The following SERGEF variants were observed in gnomAD, a reference collection of about 807,000 sequenced individuals.
SERGEF encodes secretion-regulating guanine nucleotide exchange factor.
In SERGEF, 51 loss-of-function variants were observed where a neutral mutation model predicts 50.0. The ratio of observed to expected loss-of-function variants is 1.02; its 90% confidence interval spans 0.81 to 1.29. SERGEF has a LOEUF of 1.29. SERGEF is among the 50% of genes most tolerant of loss of function. The pLI, the probability that SERGEF is intolerant of heterozygous loss-of-function variation, is 0.00. For synonymous variants in SERGEF, 205 were observed against 212.4 expected, an observed-to-expected ratio of 0.97 and a Z score of 0.30; for missense variants, 521 against 557.0, an observed-to-expected ratio of 0.94 and a Z score of 0.65.
intron 10 of SERGEF, among the ~76,000 whole-genome samples, chr11:17,789,071 G>A (rs752056947): frequency 3.9e-5 from 6 of 152,108 alleles, no homozygotes; most frequent in Non-Finnish European, 7.3e-5. Flanking sequence ...CAGAACCCTG[G>A]CTTGTTTTCT....
chr11:17,859,039 A>C (rs1215890067), intron 10 of SERGEF, among the ~76,000 whole-genome samples: 1 of 152,198 alleles, frequency 6.6e-6, no homozygotes, highest in African/African-American at 2.4e-5. Flanking sequence ...TGCAGGCCAT[A>C]GAGAGGCCAT....
intron 9 of SERGEF, among the ~76,000 whole-genome samples, chr11:17,905,419 G>A (rs1354504501): frequency 6.6e-6 from 1 of 152,232 alleles, no homozygotes; most frequent in Non-Finnish European, 1.5e-5. Context: ...CTGAGCCCTT[G>A]CTCTGAGGCA....
chr11:17,809,609 G>A (rs1022997856), intron 10 of SERGEF, among the ~76,000 whole-genome samples: 3 of 152,146 alleles, frequency 2.0e-5, no homozygotes, highest in African/African-American at 7.2e-5. Context: ...TGGAGGCAAA[G>A]TCTAAGAGGA....
chr11:17,864,840 A>T (rs923636850), intron 10 of SERGEF, among the ~76,000 whole-genome samples: 1 of 152,198 alleles, frequency 6.6e-6, no homozygotes, highest in Admixed American at 6.5e-5. Context: ...CAGCTCTGCT[A>T]CTGACCAGCT....
chr11:17,990,925 C>G (rs936028506), intron 7 of SERGEF, among the ~76,000 whole-genome samples: 2 of 152,032 alleles, frequency 1.3e-5, no homozygotes, highest in African/African-American at 4.8e-5. Flanking sequence ...TGCCACCACA[C>G]CCAGCTAATT....
rs377166311 is a variant in SERGEF, at chr11:18,012,958, A to C, written c.53T>G (p.Phe18Cys). 1.3e-5 allele frequency: 19 copies of C among 1,486,330 alleles called. No homozygotes were observed. Among genetic ancestry groups the C allele is most frequent in the Non-Finnish European group, 1.6e-5 (18 of 1,127,720 alleles). The allele number at this position is 1,486,330 out of a possible 1,614,324, so 92.1% of individuals were successfully genotyped here. Residue 18 changes from phenylalanine (F) to cysteine (C), a missense_variant, in exon 1 of 11, where the codon TTC becomes TGC. Transcript: ENST00000265965. ...GGGGGCGGAGTCACGTACCCAGGCG[A>C]AGAGCGCGGCCGCCGCGGGGGCGGC... Reference protein sequence around the residue: ...SEAAPAAAALFAWGANSYGQL... With the variant: ...SEAAPAAAALCAWGANSYGQL...
chr11:17,843,332 A>G (rs184396545), intron 10 of SERGEF, among the ~76,000 whole-genome samples: 1 of 152,290 alleles, frequency 6.6e-6, no homozygotes, highest in Admixed American at 6.5e-5. Flanking sequence ...AAGGAAGAAA[A>G]GAAGCTGAGA....
chr11:17,962,405 C>T (rs963471959), intron 8 of SERGEF, among the ~76,000 whole-genome samples: 3 of 152,068 alleles, frequency 2.0e-5, no homozygotes, highest in Non-Finnish European at 4.4e-5. Context: ...TGAATGTCTG[C>T]ATCAAGCTGA....
At chr11:17,845,928 C>T (rs1025389286) in intron 10 of SERGEF, among the ~76,000 whole-genome samples, 1 of 152,202 alleles carries the variant, frequency 6.6e-6, no homozygotes, top group African/African-American at 2.4e-5. Context: ...TTGTTCTCCA[C>T]TGCATTACTG....
chr11:17,950,602 A>C (rs757594466), intron 9 of SERGEF, among the ~76,000 whole-genome samples: 1 of 152,210 alleles, frequency 6.6e-6, no homozygotes, highest in Non-Finnish European at 1.5e-5. Context: ...TAGGCACTAG[A>C]TAATGAGGGT....
intron 9 of SERGEF, among the ~76,000 whole-genome samples, chr11:17,946,560 G>A (rs770227562): frequency 5.3e-5 from 8 of 152,162 alleles, no homozygotes; most frequent in Non-Finnish European, 1.2e-4. Context: ...GGGAAATTAT[G>A]CAGCTTTACA....
chr11:17,888,659 ACACACACACACAC>A lies in SERGEF; in HGVS notation c.1012-10428_1012-10416del, dbSNP rs1399196422. Among the ~76,000 whole-genome samples, 115 of 140,044 alleles carry A rather than the reference ACACACACACACAC, an allele frequency of 8.2e-4. No individual in the cohort carries two copies. The highest frequency in any genetic ancestry group is 3.1e-3 in the African/African-American group (115 of 36,898). The allele number at this position is 140,044 out of a possible 152,430, so 91.9% of individuals were successfully genotyped here. A position where few individuals can be genotyped will look rare whatever the true frequency, so the allele number is the denominator to read the frequency against. On this transcript the variant is annotated intron_variant, in intron 9 of 10. Coordinates refer to ENST00000265965, the MANE Select transcript of SERGEF (RefSeq NM_012139.4). This position sits in a 1 kb window ranked among gnomAD's most constrained non-coding sequence, Gnocchi z 4.1. ...CACACACACACACACACACACACAC[ACACACACACACAC>A]ACACACGCATTGAGTTAAACCAACA... is the stretch of plus-strand genomic sequence containing the variant.
chr11:17,986,005 A>G (rs1853587190), intron 8 of SERGEF, among the ~76,000 whole-genome samples: 1 of 152,178 alleles, frequency 6.6e-6, no homozygotes, highest in Admixed American at 6.5e-5. Context: ...TTTAATCAAT[A>G]TCACACAACT....
At chr11:18,002,486 C>T (rs536321128) in intron 4 of SERGEF, among the ~76,000 whole-genome samples, 2 of 152,264 alleles carry the variant, frequency 1.3e-5, no homozygotes, top group Non-Finnish European at 2.9e-5. Flanking sequence ...TGTTTCATTC[C>T]GTTGCACCTT....
chr11:17,895,467 G>A (rs549023199), intron 9 of SERGEF, among the ~76,000 whole-genome samples: 21 of 152,300 alleles, frequency 1.4e-4, no homozygotes, highest in Middle Eastern at 3.4e-3. Flanking sequence ...GCAGACTTAG[G>A]AGTGCTGCTG....
intron 9 of SERGEF, among the ~76,000 whole-genome samples, chr11:17,890,932 A>G (rs1851522158): frequency 6.6e-6 from 1 of 152,200 alleles, no homozygotes; most frequent in Admixed American, 6.5e-5. Context: ...AGACAATTTG[A>G]GCATCAAAAT....
rs1366366022 is a variant in SERGEF at position 17,995,918 on chromosome 11, C to A, written c.509-9G>T. Reference sequence around the variant, plus strand: ...GAACACGATGCCACTCGCTTCCCAACAGAATGGAAGAGAAAGCAGAGAAGA... The same window carrying A: ...GAACACGATGCCACTCGCTTCCCAAAAGAATGGAAGAGAAAGCAGAGAAGA... On this transcript the variant is annotated splice_polypyrimidine_tract_variant and intron_variant, in intron 5 of 10. Transcript: ENST00000265965. The A allele has an allele frequency of 1.9e-6, 3 of 1,599,410 alleles. No homozygotes were observed.
intron 9 of SERGEF, among the ~76,000 whole-genome samples, chr11:17,940,437 A>G (rs963338978): frequency 6.6e-6 from 1 of 152,180 alleles, no homozygotes; most frequent in Non-Finnish European, 1.5e-5. Context: ...AACAGAGACA[A>G]TAACATGTAC....
intron 10 of SERGEF, among the ~76,000 whole-genome samples, chr11:17,873,227 G>T (rs1851178799): frequency 6.6e-6 from 1 of 152,146 alleles, no homozygotes; most frequent in Non-Finnish European, 1.5e-5. Context: ...CTACTTGTGT[G>T]ACCTGGGTGG....
Sources: allele counts gnomAD v4.1 joint callset (sites outside exome capture counted in the v4.1 genomes callset), GRCh38; gene constraint gnomAD v4.1.1; non-coding constraint Gnocchi (gnomAD v3.1); transcripts MANE v1.5; gene names NCBI Gene and HGNC (gene_info 2026-07-23, HGNC 2026-07-21).